EHMT1: variants seen among roughly 807,000 people sequenced by gnomAD.
EHMT1 encodes the protein histone-lysine N-methyltransferase EHMT1.
EHMT1 carries 15 observed loss-of-function variants against 147.2 expected under a neutral mutation model. The ratio of observed to expected loss-of-function variants is 0.10; its 90% CI spans 0.07 to 0.16. The LOEUF (loss-of-function observed/expected upper bound fraction) is 0.16. EHMT1 is among the 10% of genes least tolerant of loss of function. The pLI is 1.00. For missense variants in EHMT1, 1,587 were observed against 1,772.4 expected (o/e 0.90, Z 1.88); for synonymous variants, 795 against 709.6 (o/e 1.12, Z -1.91).
intron 1 of EHMT1, among the ~76,000 whole-genome samples, chr9:137,623,426 T>G (rs1450596868): frequency 6.6e-6 from 1 of 151,814 alleles, no homozygotes; most frequent in Non-Finnish European, 1.5e-5. Context: ...TACTCTTTTT[T>G]TTTTTTGAGA....
intron 2 of EHMT1, among the ~76,000 whole-genome samples, chr9:137,713,659 C>G (rs1944946370): frequency 6.6e-6 from 1 of 151,836 alleles, no homozygotes; most frequent in Non-Finnish European, 1.5e-5. Flanking sequence ...TATAGAAATA[C>G]AAGTGATTGG....
At chr9:137,621,277 G>C (rs923968495) in intron 1 of EHMT1, among the ~76,000 whole-genome samples, 3 of 152,154 alleles carry the variant, frequency 2.0e-5, no homozygotes, top group Non-Finnish European at 4.4e-5. Context: ...CACTAAACCT[G>C]GGAAATGATT....
chr9:137,821,236 G>T (rs918035901), intron 25 of EHMT1, among the ~76,000 whole-genome samples: 1 of 151,058 alleles, frequency 6.6e-6, no homozygotes, highest in South Asian at 2.1e-4. Flanking sequence ...GGCCAGGATG[G>T]TCTCGATCTC....
chr9:137,821,769 G>A (rs1266476510), intron 25 of EHMT1, among the ~76,000 whole-genome samples: 2 of 152,246 alleles, frequency 1.3e-5, no homozygotes, highest in Admixed American at 6.5e-5. Context: ...GAAAAATGAG[G>A]CATTTACTAC....
intron 16 of EHMT1, among the ~76,000 whole-genome samples, chr9:137,793,348 A>C (rs1952665572): frequency 6.6e-6 from 1 of 152,258 alleles, no homozygotes. Flanking sequence ...AAAGGTGTCC[A>C]GCATCACCAG....
At chr9:137,812,071 G>A (rs1301466820) in intron 19 of EHMT1, among the ~76,000 whole-genome samples, 1 of 152,224 alleles carries the variant, frequency 6.6e-6, no homozygotes, top group East Asian at 1.9e-4. Flanking sequence ...GGTGGTGGTG[G>A]CTCACGCCTG....
intron 1 of EHMT1, among the ~76,000 whole-genome samples, chr9:137,684,514 T>C (rs1355603915): frequency 2.0e-5 from 3 of 152,068 alleles, no homozygotes; most frequent in African/African-American, 4.8e-5. Context: ...TGTTTTGAGA[T>C]GGGGTCTTAC....
chr9:137,657,341 A>G (rs1440231468), intron 1 of EHMT1, among the ~76,000 whole-genome samples: 1 of 152,006 alleles, frequency 6.6e-6, no homozygotes, highest in Non-Finnish European at 1.5e-5. Context: ...CTGTTTTAAC[A>G]GTGTCTTTCT....
chr9:137,677,791 G>T (rs1941514300), intron 1 of EHMT1, among the ~76,000 whole-genome samples: 2 of 152,010 alleles, frequency 1.3e-5, no homozygotes, highest in South Asian at 4.2e-4. Context: ...GAGCACGGTG[G>T]CTCACGCCTG....
At position 137,782,899 on chromosome 9, in the gene EHMT1, G is replaced by A. The variant is rs528585783; in HGVS notation, c.2382+502G>A. On this transcript the variant is annotated intron_variant, in intron 15 of 26. Transcript: ENST00000460843. The surrounding 1 kb of genome is among the most constrained non-coding windows in gnomAD (Gnocchi z 5.7). ...ATTTATTCTGAACCATCTGAACGCT[G>A]CCCGCTTGTCTCTGGGTTCAGACAC... 2.0e-5 allele frequency among the ~76,000 whole-genome samples: 3 copies of A among 152,036 alleles called. No individual in the cohort carries two copies. In the South Asian group the frequency reaches 6.3e-4, roughly 32 times the overall value.
intron 10 of EHMT1, 40 bp downstream of exon 10, chr9:137,762,860 T>C (rs1478327823): frequency 6.2e-7 from 1 of 1,610,970 alleles, no homozygotes; most frequent in Non-Finnish European, 8.5e-7. Flanking sequence ...CCACGAGGAG[T>C]GAGTGAGAAA....
chr9:137,646,294 T>TA, intron 1 of EHMT1: 1 of 966,340 alleles, frequency 1.0e-6, no homozygotes, highest in Non-Finnish European at 1.2e-6. Flanking sequence ...GCTAGAAATT[T>TA]AAAATGATGT....
intron 23 of EHMT1, chr9:137,817,071 G>T (rs1258463056): frequency 3.2e-6 from 1 of 317,168 alleles, no homozygotes; most frequent in African/African-American, 2.2e-5. Flanking sequence ...AGCAGGCTGG[G>T]CTGCAGGTGT....
chr9:137,815,869 T>C (rs918650717), intron 22 of EHMT1, 78 bp from the exon 23 acceptor site: 4 of 1,231,544 alleles, frequency 3.2e-6, no homozygotes, highest in Non-Finnish European at 4.7e-6. Context: ...ACTGGGCACT[T>C]AGTAGAAATG....
intron 3 of EHMT1, 105 bp downstream of exon 3, chr9:137,717,287 G>T: frequency 4.9e-6 from 7 of 1,432,948 alleles, no homozygotes; most frequent in Non-Finnish European, 6.7e-6. Context: ...AGTGTCAGTG[G>T]TTATCCGACA....
At chr9:137,750,745 C>A (rs945515079) in intron 6 of EHMT1, among the ~76,000 whole-genome samples, 1 of 152,120 alleles carries the variant, frequency 6.6e-6, no homozygotes, top group Admixed American at 6.5e-5. Flanking sequence ...CACCGGAGCT[C>A]AGGACGTGGC....
chr9:137,775,316 G>A lies in EHMT1; in HGVS notation c.1791+64G>A. The A allele has an allele frequency of 5.0e-6, 8 of 1,589,086 alleles. No individual in the cohort carries two copies. Among genetic ancestry groups the A allele is most frequent in the Non-Finnish European group, 6.8e-6 (8 of 1,174,720 alleles). On this transcript the variant is annotated intron_variant, in intron 11 of 26. Coordinates refer to ENST00000460843, the MANE Select transcript of EHMT1 (RefSeq NM_024757.5). This position sits in a 1 kb window ranked among gnomAD's most constrained non-coding sequence, Gnocchi z 6.1. ...GCTTTGCTGTCTGCTCACTGGTGCTGGTTCCTGTCCTGTGTCCACCTGCTG... is the reference window on the plus strand; with the variant it reads ...GCTTTGCTGTCTGCTCACTGGTGCTAGTTCCTGTCCTGTGTCCACCTGCTG...
Position 137,777,064 on chromosome 9 carries a change from T to G in EHMT1, c.2018+220T>G, listed in dbSNP as rs1217709929. 7 of 542,030 alleles carry G rather than the reference T, an allele frequency of 1.3e-5. No individual in the cohort carries two copies. In the African/African-American group the frequency reaches 1.3e-4, roughly 10 times the overall value. The allele number at this position is 542,030 out of a possible 1,614,324, so 33.6% of individuals were successfully genotyped here. A position where few individuals can be genotyped will look rare whatever the true frequency, so the allele number is the denominator to read the frequency against. On this transcript the variant is annotated intron_variant, in intron 12 of 26. Coordinates refer to ENST00000460843, the MANE Select transcript of EHMT1 (RefSeq NM_024757.5). ...TTGGTTATGTAGATCCATTTGCCTG[T>G]TTTGAACCGGTTTTCACAGCACCCC... is the stretch of plus-strand genomic sequence containing the variant.
chr9:137,792,180 G>A (rs1156764088), intron 16 of EHMT1: 2 of 455,632 alleles, frequency 4.4e-6, no homozygotes, highest in South Asian at 1.6e-5. Context: ...TACGGCCACA[G>A]TAATGAAAAC....
Sources: gnomAD v4.1 joint callset for allele counts (sites outside exome capture counted in the v4.1 genomes callset) on GRCh38, gnomAD v4.1.1 for gene constraint, Gnocchi (gnomAD v3.1) non-coding constraint, MANE v1.5 for transcripts, NCBI Gene and HGNC (gene_info 2026-07-23, HGNC 2026-07-21) for gene names.